Variants in PTPN2 observed in about 807,000 individuals in gnomAD.
PTPN2 encodes the protein tyrosine-protein phosphatase non-receptor type 2.
PTPN2 carries 19 observed loss-of-function variants against 57.3 expected under a neutral mutation model. The ratio of observed to expected loss-of-function variants is 0.33; its 90% confidence interval spans 0.23 to 0.49. PTPN2 has a LOEUF of 0.49. Ranked by LOEUF, PTPN2 falls within the 20% of genes least tolerant of loss-of-function variation. The pLI is 0.99. For synonymous variants in PTPN2, 153 were observed against 164.9 expected (o/e 0.93, Z 0.55); for missense variants, 358 against 501.1 (o/e 0.71, Z 2.73).
At chr18:12,865,807 C>A (rs1263256897) in intron 1 of PTPN2, among the ~76,000 whole-genome samples, 2 of 151,042 alleles carry the variant, frequency 1.3e-5, no homozygotes, top group African/African-American at 4.9e-5. Flanking sequence ...AGCCCCACCC[C>A]ACTCCCAAAA....
chr18:12,831,856 C>T (rs1440705731), intron 3 of PTPN2, among the ~76,000 whole-genome samples: 1 of 152,138 alleles, frequency 6.6e-6, no homozygotes, highest in Non-Finnish European at 1.5e-5. Flanking sequence ...TTTCCAATTG[C>T]TTTCACATTT....
intron 2 of PTPN2, among the ~76,000 whole-genome samples, chr18:12,856,706 G>C (rs1200827092): frequency 6.6e-6 from 1 of 152,184 alleles, no homozygotes; most frequent in Non-Finnish European, 1.5e-5. Flanking sequence ...GTATATACTT[G>C]AGGATAACTT....
chr18:12,870,342 CATAT>C (rs1358807652), intron 1 of PTPN2, among the ~76,000 whole-genome samples: 4 of 32,696 alleles, frequency 1.2e-4, no homozygotes, highest in Admixed American at 6.0e-4. Flanking sequence ...TATATATATA[CATAT>C]ATATGTGTAT....
At chr18:12,786,070 G>A (rs2040836992) in intron 9 of PTPN2, 4 of 527,346 alleles carry the variant, frequency 7.6e-6, no homozygotes, top group African/African-American at 2.0e-5. Flanking sequence ...GGCCTCATGT[G>A]GAAGCATCGT....
chr18:12,863,807 A>G (rs2043900426), intron 1 of PTPN2: 1 of 152,224 alleles, frequency 6.6e-6, no homozygotes, highest in African/African-American at 2.4e-5. Context: ...GCTTTAAAGT[A>G]TAATTTAACC....
At chr18:12,865,740 T>C (rs574815747) in intron 1 of PTPN2, among the ~76,000 whole-genome samples, 2 of 151,948 alleles carry the variant, frequency 1.3e-5, no homozygotes, top group South Asian at 4.1e-4. Context: ...GGAACGAGAA[T>C]TGCTTGAACC....
At chr18:12,827,292 G>A (rs981187669) in intron 4 of PTPN2, among the ~76,000 whole-genome samples, 9 of 150,048 alleles carry the variant, frequency 6.0e-5, no homozygotes, top group Non-Finnish European at 1.3e-4. Flanking sequence ...GCAGTGAGTC[G>A]AGATAGCAGC....
At chr18:12,861,110 G>C (rs2043793762) in intron 1 of PTPN2, among the ~76,000 whole-genome samples, 1 of 152,090 alleles carries the variant, frequency 6.6e-6, no homozygotes, top group Non-Finnish European at 1.5e-5. Context: ...AAAGTGCTAG[G>C]ATTACAGGTT....
In PTPN2 at chr18:12,799,588, A is replaced by ATT. The variant is rs113551012; in HGVS notation, c.1040+2380_1040+2381dup. Reference sequence around the variant, plus strand: ...CCCTGATCCTATGCTCTTCTTTTACATTTTTTTTTTTTTGAGATAAGAGTC... The same window carrying ATT: ...CCCTGATCCTATGCTCTTCTTTTACATTTTTTTTTTTTTTTGAGATAAGAGTC... On this transcript the variant is annotated intron_variant, in intron 8 of 8. Transcript: ENST00000309660. Among the ~76,000 whole-genome samples, 1,003 of 144,208 alleles carry ATT rather than the reference A, an allele frequency of 7.0e-3. 21 individuals carry two copies. The highest frequency in any genetic ancestry group is 0.044 in the Admixed American group (630 of 14,382). The allele number at this position is 144,208 out of a possible 152,430, so 94.6% of individuals were successfully genotyped here.
rs992849027 is a variant in PTPN2 at position 12,884,209 on chromosome 18, G to A, written c.-68C>T. ...GAGAGGCTCAGGCCCCGCACGATCC[G>A]GGGAGAGCGCTGGCGCTGCGGCGCA... On this transcript the variant is annotated 5_prime_UTR_variant, in exon 1 of 9. Coordinates refer to ENST00000309660, the MANE Select transcript of PTPN2 (RefSeq NM_002828.4). 3 of 1,298,384 alleles carry A rather than the reference G, an allele frequency of 2.3e-6. No homozygotes were observed. Among genetic ancestry groups the A allele is most frequent in the Middle Eastern group, 4.9e-4 (2 of 4,094 alleles). The allele number at this position is 1,298,384 out of a possible 1,614,324, so 80.4% of individuals were successfully genotyped here. A position where few individuals can be genotyped will look rare whatever the true frequency, so the allele number is the denominator to read the frequency against.
chr18:12,794,678 G>A (rs2041100485), intron 8 of PTPN2, among the ~76,000 whole-genome samples, 193 bp from the exon 9 acceptor site: 1 of 152,196 alleles, frequency 6.6e-6, no homozygotes, highest in African/African-American at 2.4e-5. Context: ...CTGGAGTGCA[G>A]TGGTACAATC....
intron 7 of PTPN2, among the ~76,000 whole-genome samples, chr18:12,802,354 AG>A (rs1302060577): frequency 6.6e-6 from 1 of 152,214 alleles, no homozygotes; most frequent in African/African-American, 2.4e-5. Flanking sequence ...TTTATAATAA[AG>A]CATTTAGTAT....
At chr18:12,867,413 G>A (rs2044031573) in intron 1 of PTPN2, among the ~76,000 whole-genome samples, 1 of 152,038 alleles carries the variant, frequency 6.6e-6, no homozygotes, top group South Asian at 2.1e-4. Flanking sequence ...GACTGAAAGT[G>A]AGGTTTTGCC....
At chr18:12,829,417 A>G (rs2042589330) in intron 4 of PTPN2, among the ~76,000 whole-genome samples, 1 of 151,292 alleles carries the variant, frequency 6.6e-6, no homozygotes, top group Non-Finnish European at 1.5e-5. Context: ...AGACGGGAGA[A>G]TCTCTTGAAC....
chr18:12,796,477 A>C (rs1017406732), intron 8 of PTPN2, among the ~76,000 whole-genome samples: 3 of 152,236 alleles, frequency 2.0e-5, no homozygotes, highest in Admixed American at 1.3e-4. Flanking sequence ...TATTTTAATC[A>C]ATGTTACACT....
intron 5 of PTPN2, among the ~76,000 whole-genome samples, chr18:12,820,383 C>T (rs1016164602): frequency 1.4e-4 from 22 of 151,814 alleles, no homozygotes; most frequent in Non-Finnish European, 2.4e-4. Context: ...AAGGACCACA[C>T]GAAGGCATAA....
chr18:12,873,478 C>T (rs1233908389), intron 1 of PTPN2, among the ~76,000 whole-genome samples: 2 of 152,142 alleles, frequency 1.3e-5, no homozygotes, highest in African/African-American at 2.4e-5. Context: ...TTGGGGGAGA[C>T]GGGGTTTCGC....
intron 7 of PTPN2, among the ~76,000 whole-genome samples, chr18:12,811,127 C>T (rs1416438388): frequency 6.6e-6 from 1 of 152,092 alleles, no homozygotes; most frequent in African/African-American, 2.4e-5. Context: ...ACCCTTTTTA[C>T]GGAAGATGTG....
intron 5 of PTPN2, among the ~76,000 whole-genome samples, chr18:12,824,781 C>A (rs2042389647): frequency 6.6e-6 from 1 of 152,102 alleles, no homozygotes; most frequent in African/African-American, 2.4e-5. Flanking sequence ...TCATATGTTT[C>A]TGGGGAAGAA....
Sources: gnomAD v4.1 joint callset for allele counts (sites outside exome capture counted in the v4.1 genomes callset) on GRCh38, gnomAD v4.1.1 for gene constraint, MANE v1.5 for transcripts, NCBI Gene and HGNC (gene_info 2026-07-23, HGNC 2026-07-21) for gene names.